The following ADCY1 variants were observed in gnomAD, a reference collection of about 807,000 sequenced individuals.
ADCY1 encodes adenylate cyclase type 1.
ADCY1 carries 28 observed loss-of-function variants against 105.4 expected under a neutral mutation model. That is an observed-to-expected ratio of 0.27 (90% CI 0.20 to 0.36). ADCY1 has a LOEUF of 0.36. ADCY1 is among the 10% of genes least tolerant of loss of function. The pLI, the probability that ADCY1 is intolerant of heterozygous loss-of-function variation, is 1.00. For synonymous variants in ADCY1, 655 were observed against 623.8 expected (o/e 1.05, Z -0.75); for missense variants, 977 against 1,434.2 (o/e 0.68, Z 5.15).
At chr7:45,645,782 C>T (rs1466312500) in intron 4 of ADCY1, among the ~76,000 whole-genome samples, 1 of 152,124 alleles carries the variant, frequency 6.6e-6, no homozygotes, top group Non-Finnish European at 1.5e-5. Context: ...AAGTCCTTGA[C>T]GTCCAGAGCA....
chr7:45,681,010 G>A lies in ADCY1; in HGVS notation c.1983+1217G>A, dbSNP rs146441436. ...CACTGCTTTCTGTGACTCCACGAGA[G>A]CCTCCCAAGCCAGGTGGTGAGACGG... On this transcript the variant is annotated intron_variant, in intron 11 of 19. Transcript: ENST00000297323. Among the ~76,000 whole-genome samples the A allele has an allele frequency of 3.5e-3, 529 of 152,364 alleles. 2 individuals are homozygous for A. The highest frequency in any genetic ancestry group is 0.012 in the African/African-American group (493 of 41,592).
At chr7:45,605,579 T>A (rs1793352403) in intron 2 of ADCY1, among the ~76,000 whole-genome samples, 1 of 152,140 alleles carries the variant, frequency 6.6e-6, no homozygotes, top group Non-Finnish European at 1.5e-5. Flanking sequence ...TTTTTTTTAT[T>A]CTGTTGACAT....
intron 8 of ADCY1, among the ~76,000 whole-genome samples, chr7:45,667,153 T>C (rs1439290264): frequency 1.3e-5 from 2 of 152,226 alleles, no homozygotes; most frequent in African/African-American, 4.8e-5. Context: ...TTTGTCAATT[T>C]TGGCTTGTGT....
intron 14 of ADCY1, among the ~76,000 whole-genome samples, chr7:45,699,627 G>A (rs919142963): frequency 7.2e-5 from 11 of 152,096 alleles, no homozygotes; most frequent in Non-Finnish European, 1.6e-4. Context: ...GTGGGAGGCT[G>A]GTAGTTGGTA....
chr7:45,639,525 A>G (rs903099937), intron 4 of ADCY1, among the ~76,000 whole-genome samples: 5 of 152,186 alleles, frequency 3.3e-5, no homozygotes, highest in African/African-American at 1.2e-4. Context: ...AGGTAAGACA[A>G]TCCTAGCTTG....
In ADCY1 at chr7:45,714,830, A is replaced by G. The variant is rs1785332851; in HGVS notation, c.*835A>G. 6.6e-6 allele frequency: 1 copy of G among 152,512 alleles called. No individual in the cohort carries two copies. The highest frequency in any genetic ancestry group is 1.5e-5 in the Non-Finnish European group (1 of 68,080). The allele number at this position is 152,512 out of a possible 1,614,324, so 9.4% of individuals were successfully genotyped here. On this transcript the variant is annotated 3_prime_UTR_variant, in exon 20 of 20. Transcript: ENST00000297323. ...AACACCTGGACATTCCCCATCCTGCACCGGCACTGTGTTTGTTCAGAGAAA... is the reference window on the plus strand; with the variant it reads ...AACACCTGGACATTCCCCATCCTGCGCCGGCACTGTGTTTGTTCAGAGAAA...
At chr7:45,615,358 G>A (rs985424243) in intron 3 of ADCY1, among the ~76,000 whole-genome samples, 1 of 152,210 alleles carries the variant, frequency 6.6e-6, no homozygotes, top group Non-Finnish European at 1.5e-5. Context: ...AGCACTTTGG[G>A]AGGCCGGGGT....
intron 17 of ADCY1, among the ~76,000 whole-genome samples, chr7:45,705,347 A>G (rs1167134894): frequency 2.6e-5 from 4 of 152,264 alleles, no homozygotes; most frequent in Admixed American, 1.3e-4. Flanking sequence ...ATTGAATTCA[A>G]TAATGAATGG....
chr7:45,702,649 G>T (rs1785020216), intron 14 of ADCY1, among the ~76,000 whole-genome samples: 1 of 152,242 alleles, frequency 6.6e-6, no homozygotes, highest in African/African-American at 2.4e-5. Context: ...AGCCCTCACA[G>T]TGGTCTGTGA....
intron 2 of ADCY1, among the ~76,000 whole-genome samples, chr7:45,609,507 C>T (rs536189972): frequency 3.9e-5 from 6 of 152,328 alleles, no homozygotes; most frequent in East Asian, 3.9e-4. Context: ...AGCCTGTTTC[C>T]GCGCTTGTCA....
At chr7:45,601,326 G>A (rs1446444855) in intron 2 of ADCY1, among the ~76,000 whole-genome samples, 4 of 152,192 alleles carry the variant, frequency 2.6e-5, no homozygotes, top group African/African-American at 9.6e-5. Flanking sequence ...GGCTCTGATG[G>A]ACTGTGGCTG....
intron 1 of ADCY1, among the ~76,000 whole-genome samples, chr7:45,579,143 T>C (rs1312294082): frequency 1.3e-5 from 2 of 152,116 alleles, no homozygotes; most frequent in Admixed American, 6.5e-5. Context: ...CGCAGAATCA[T>C]AGGGCTCAAG....
At chr7:45,656,491 G>A (rs534144485) in intron 5 of ADCY1, among the ~76,000 whole-genome samples, 1 of 152,210 alleles carries the variant, frequency 6.6e-6, no homozygotes, top group South Asian at 2.1e-4. Context: ...AGTGGCTGCT[G>A]GGGCCTCCAT....
At chr7:45,648,460 G>A (rs1007494119) in intron 4 of ADCY1, among the ~76,000 whole-genome samples, 3 of 152,252 alleles carry the variant, frequency 2.0e-5, no homozygotes, top group Admixed American at 1.3e-4. Context: ...ATGGGGAAAG[G>A]GAGAAGGAGA....
chr7:45,661,777 C>T (rs1024794073), intron 7 of ADCY1, among the ~76,000 whole-genome samples: 5 of 152,218 alleles, frequency 3.3e-5, no homozygotes, highest in African/African-American at 1.2e-4. Flanking sequence ...GGCCTCCAGC[C>T]TTCCCCCGCA....
intron 11 of ADCY1, chr7:45,684,771 A>G (rs920261257): frequency 2.1e-6 from 1 of 478,312 alleles, no homozygotes; most frequent in Non-Finnish European, 3.7e-6. Context: ...TAAAGACTTC[A>G]GGTTTCTTTT....
chr7:45,589,811 C>T (rs1792855112), intron 1 of ADCY1, among the ~76,000 whole-genome samples: 1 of 151,672 alleles, frequency 6.6e-6, no homozygotes, highest in South Asian at 2.1e-4. Context: ...TGAAGGGAGG[C>T]AGTGCCCAGC....
At chr7:45,650,594 C>G (rs1232808444) in intron 5 of ADCY1, among the ~76,000 whole-genome samples, 1 of 152,088 alleles carries the variant, frequency 6.6e-6, no homozygotes, top group Non-Finnish European at 1.5e-5. Context: ...GGCCTTCTGC[C>G]CTTGAAGGTT....
At chr7:45,692,096 C>T (rs538049171) in intron 14 of ADCY1, among the ~76,000 whole-genome samples, 2 of 152,328 alleles carry the variant, frequency 1.3e-5, no homozygotes, top group South Asian at 4.1e-4. Context: ...CAGATGTATC[C>T]TAGCTGCATC....
Sources: gnomAD v4.1 joint callset for allele counts (sites outside exome capture counted in the v4.1 genomes callset) on GRCh38, gnomAD v4.1.1 for gene constraint, MANE v1.5 for transcripts, NCBI Gene and HGNC (gene_info 2026-07-23, HGNC 2026-07-21) for gene names.